L2HGDH: variants seen among roughly 807,000 people sequenced by gnomAD.
L2HGDH encodes the protein L-2-hydroxyglutarate dehydrogenase, mitochondrial.
In L2HGDH, 34 loss-of-function variants were observed where a neutral mutation model predicts 51.5. That is an observed-to-expected ratio of 0.66 (90% CI 0.50 to 0.88). The LOEUF (loss-of-function observed/expected upper bound fraction) is 0.88, where lower values mean the gene tolerates loss of function less well. L2HGDH is among the 40% of genes least tolerant of loss of function. L2HGDH has a pLI of 0.00. For synonymous variants in L2HGDH, 198 were observed against 197.9 expected (o/e 1.00, Z -0.01); for missense variants, 558 against 571.9 (o/e 0.98, Z 0.25).
chr14:50,245,540 C>G lies in L2HGDH; in HGVS notation c.*1518G>C. The G allele has an allele frequency of 1.0e-6, 1 of 968,688 alleles. No homozygotes were observed. Among genetic ancestry groups the G allele is most frequent in the East Asian group, 1.1e-4 (1 of 8,744 alleles). The allele number at this position is 968,688 out of a possible 1,614,324, so 60.0% of individuals were successfully genotyped here. On this transcript the variant is annotated 3_prime_UTR_variant, in exon 10 of 10. Coordinates refer to ENST00000267436, the MANE Select transcript of L2HGDH (RefSeq NM_024884.3). ...AAGATAGAAACTTATTCAAACTACT[C>G]AAAAATGTAAATTTTATGTATTTTC...
intron 9 of L2HGDH, among the ~76,000 whole-genome samples, chr14:50,258,227 T>G (rs968587315): frequency 6.6e-6 from 1 of 151,918 alleles, no homozygotes; most frequent in Admixed American, 6.6e-5. Context: ...GTTATTTTAT[T>G]TTTTTTAGAG....
chr14:50,293,680 T>C (rs983678628), intron 4 of L2HGDH, among the ~76,000 whole-genome samples: 1 of 152,154 alleles, frequency 6.6e-6, no homozygotes, highest in Non-Finnish European at 1.5e-5. Context: ...ATCGTATAGA[T>C]CAGACACTAC....
At chr14:50,308,629 A>C (rs1036442410) in intron 1 of L2HGDH, among the ~76,000 whole-genome samples, 2 of 152,216 alleles carry the variant, frequency 1.3e-5, no homozygotes, top group Non-Finnish European at 2.9e-5. Context: ...GAATGAAGGG[A>C]AACTGGATTA....
At chr14:50,280,090 A>G (rs1471372295) in intron 5 of L2HGDH, among the ~76,000 whole-genome samples, 1 of 151,580 alleles carries the variant, frequency 6.6e-6, no homozygotes, top group Non-Finnish European at 1.5e-5. Context: ...AGAAATATAC[A>G]AGCAAAAGAG....
At chr14:50,278,721 C>A (rs1468532306) in intron 5 of L2HGDH, among the ~76,000 whole-genome samples, 167 bp from the exon 6 acceptor site, 1 of 152,198 alleles carries the variant, frequency 6.6e-6, no homozygotes, top group Non-Finnish European at 1.5e-5. Context: ...CTAGTTCATA[C>A]TTAACAACAT....
intron 4 of L2HGDH, among the ~76,000 whole-genome samples, chr14:50,285,922 T>A (rs1890540934): frequency 6.6e-6 from 1 of 152,114 alleles, no homozygotes; most frequent in Non-Finnish European, 1.5e-5. Context: ...CACCTATACA[T>A]GTGTGTTGTA....
intron 7 of L2HGDH, among the ~76,000 whole-genome samples, chr14:50,268,479 C>G (rs1338306529): frequency 6.7e-6 from 1 of 149,580 alleles, no homozygotes; most frequent in Admixed American, 6.7e-5. Flanking sequence ...AAAAGATGAA[C>G]TGTCTTACTT....
chr14:50,293,446 T>C (rs759540719), intron 4 of L2HGDH, among the ~76,000 whole-genome samples: 5 of 152,234 alleles, frequency 3.3e-5, no homozygotes, highest in Non-Finnish European at 5.9e-5. Context: ...TTTCTTTTTT[T>C]TTCTATTTTA....
rs1289235870 is a variant in L2HGDH, at chr14:50,276,252, C to T, written c.738+2268G>A. Among the ~76,000 whole-genome samples the T allele has an allele frequency of 2.0e-5, 3 of 152,154 alleles. No homozygotes were observed. The East Asian group carries it at 5.8e-4, about 29-fold the overall frequency. ...TTGAGCTACACCACCAAACTAGAAACCATGACCAGCTGAGATGCTTGCCAA... is the reference window on the plus strand; with the variant it reads ...TTGAGCTACACCACCAAACTAGAAATCATGACCAGCTGAGATGCTTGCCAA... On this transcript the variant is annotated intron_variant, in intron 6 of 9. Transcript: ENST00000267436.
intron 3 of L2HGDH, among the ~76,000 whole-genome samples, chr14:50,296,934 G>A (rs1479777965): frequency 1.3e-5 from 2 of 152,030 alleles, no homozygotes; most frequent in Non-Finnish European, 2.9e-5. Flanking sequence ...GACCAAGAGG[G>A]ATTTATCACA....
At chr14:50,305,403 TA>T (rs943690187) in intron 1 of L2HGDH, among the ~76,000 whole-genome samples, 2 of 152,204 alleles carry the variant, frequency 1.3e-5, no homozygotes, top group Non-Finnish European at 2.9e-5. Flanking sequence ...AGTGGTCAAC[TA>T]AAAAATTACT....
rs548475280 is a variant in L2HGDH, at chr14:50,291,213, A to C, written c.540+2902T>G. On this transcript the variant is annotated intron_variant, in intron 4 of 9. Transcript: ENST00000267436. ...ACTCCGTCTCAAAAAAAAAAAAAAA[A>C]AAAAAAAAAAACAAACAAAAAACAT... 8.0e-5 allele frequency among the ~76,000 whole-genome samples: 12 copies of C among 149,476 alleles called. No homozygotes were observed. In the South Asian group the frequency reaches 2.3e-3, roughly 29 times the overall value.
At chr14:50,258,191 A>G (rs576352102) in intron 9 of L2HGDH, among the ~76,000 whole-genome samples, 12 of 152,054 alleles carry the variant, frequency 7.9e-5, no homozygotes, top group Non-Finnish European at 1.5e-4. Flanking sequence ...CTATGTACCA[A>G]TCCAACACCA....
Position 50,283,945 on chromosome 14 carries a change from C to T in L2HGDH, c.629G>A (p.Gly210Asp). The T allele has an allele frequency of 6.2e-7, 1 of 1,614,094 alleles. No individual in the cohort carries two copies. Among genetic ancestry groups the T allele is most frequent in the South Asian group, 1.1e-5 (1 of 91,080 alleles). Reference sequence around the variant, plus strand: ...TTCAAAATTGGTCAAGACAGAGCCACCTGCTTCTTGGAAATCCTGGGCAAA... The same window carrying T: ...TTCAAAATTGGTCAAGACAGAGCCATCTGCTTCTTGGAAATCCTGGGCAAA... ...LSFAQDFQEA[G>D]GSVLTNFEVK... is the part of the protein sequence containing the mutation. Residue 210 changes from glycine to aspartate, a missense_variant, in exon 5 of 10, where the codon GGT becomes GAT. Gly to Asp is a moderately conservative substitution (Grantham distance 94). This residue lies in a region of L2HGDH where 321 missense variants were observed against 311.8 expected (regional missense o/e 1.03). Coordinates refer to ENST00000267436, the MANE Select transcript of L2HGDH (RefSeq NM_024884.3).
Position 50,311,877 on chromosome 14 carries a change from G to A in L2HGDH, c.140+134C>T, listed in dbSNP as rs1014117326. 196 of 1,214,832 alleles carry A rather than the reference G, an allele frequency of 1.6e-4. No homozygotes were observed. The Middle Eastern group carries it at 2.7e-3, about 17-fold the overall frequency. 75.3% of individuals were successfully genotyped at this position (1,214,832 alleles called of 1,614,324 possible). On this transcript the variant is annotated intron_variant, in intron 1 of 9. Coordinates refer to ENST00000267436, the MANE Select transcript of L2HGDH (RefSeq NM_024884.3). ...CAGGTTGGTAGCTCCTGGGATCCGA[G>A]GTTGGAGTGCCACAGGACCCCAACC...
intron 5 of L2HGDH, among the ~76,000 whole-genome samples, chr14:50,282,031 G>A (rs1017169847): frequency 6.6e-6 from 1 of 152,040 alleles, no homozygotes; most frequent in African/African-American, 2.4e-5. Context: ...TAGTAGAGAT[G>A]GGGTTTCACC....
chr14:50,311,958 G>A, intron 1 of L2HGDH, 53 bp downstream of exon 1: 4 of 1,538,918 alleles, frequency 2.6e-6, no homozygotes, highest in Non-Finnish European at 3.5e-6. Flanking sequence ...ACCACCAGGT[G>A]CCTCCGCGAG....
In L2HGDH at chr14:50,283,891, C is replaced by T. The variant is rs561638861; in HGVS notation, c.683G>A (p.Ser228Asn). 2.5e-5 allele frequency: 40 copies of T among 1,613,964 alleles called. 2 individuals carry two copies. The South Asian group carries it at 4.2e-4, about 17-fold the overall frequency. Reference sequence around the variant, plus strand: ...CTTACCATCTATACTTCTTGAAGGACTTTCTTTAGCCATTTCAATACCTTT... The same window carrying T: ...CTTACCATCTATACTTCTTGAAGGATTTTCTTTAGCCATTTCAATACCTTT... ...EVKGIEMAKE[S>N]PSRSIDGMQY... The change falls in exon 5 of 10, where the codon AGT becomes AAT. Residue 228 changes from serine (S) to asparagine (N), a missense_variant. Ser to Asn is a conservative substitution (Grantham distance 46). This residue lies in a region of L2HGDH where 321 missense variants were observed against 311.8 expected (regional missense o/e 1.03). Transcript: ENST00000267436.
Position 50,265,393 on chromosome 14 carries a change from T to A in L2HGDH, c.1161A>T (p.Lys387Asn). ...FLGATVKYLQ[K>N]FIPEITISDI... Reference sequence around the variant, plus strand: ...CACTGATAGTAATTTCAGGGATGAATTTTTGAAGATACTTCACTGTTGCAC... The same window carrying A: ...CACTGATAGTAATTTCAGGGATGAAATTTTGAAGATACTTCACTGTTGCAC... Residue 387 changes from lysine (K) to asparagine (N), a missense_variant, in exon 9 of 10, where the codon AAA becomes AAT. Transcript: ENST00000267436. 1 of 1,612,372 alleles carries A rather than the reference T, an allele frequency of 6.2e-7. No individual in the cohort carries two copies. The highest frequency in any genetic ancestry group is 1.1e-5 in the South Asian group (1 of 91,046).
Sources: gnomAD v4.1 joint callset for allele counts (sites outside exome capture counted in the v4.1 genomes callset) on GRCh38, gnomAD v4.1.1 for gene constraint, gnomAD v4.1.1 regional missense constraint, MANE v1.5 for transcripts, NCBI Gene and HGNC (gene_info 2026-07-23, HGNC 2026-07-21) for gene names.